The following ATG10 variants were observed in gnomAD, a reference collection of about 807,000 sequenced individuals.
ATG10 encodes the protein autophagy related 10, also known as ubiquitin-like-conjugating enzyme ATG10.
A neutral mutation model predicts 32.1 loss-of-function variants in ATG10; 30 were observed. The observed-to-expected ratio is 0.94, with a 90% confidence interval of 0.70 to 1.27. ATG10 has a LOEUF of 1.27. Among genes scored for constraint, ATG10 ranks in the 50% most tolerant of loss-of-function variants. The probability of loss-of-function intolerance (pLI) is 0.00; values close to 1 mark genes in which losing one functional copy is unlikely to be tolerated. For synonymous variants in ATG10, 87 were observed against 91.5 expected, an observed-to-expected ratio of 0.95 and a Z score of 0.28; for missense variants, 233 against 262.3, an observed-to-expected ratio of 0.89 and a Z score of 0.77.
intron 5 of ATG10, among the ~76,000 whole-genome samples, chr5:82,237,162 C>A (rs1252576586): frequency 6.6e-6 from 1 of 152,102 alleles, no homozygotes; most frequent in Non-Finnish European, 1.5e-5. Flanking sequence ...GGCAATTTTT[C>A]TTCTCCAAAC....
At chr5:82,123,810 C>T (rs1041212294) in intron 3 of ATG10, among the ~76,000 whole-genome samples, 1 of 150,310 alleles carries the variant, frequency 6.7e-6, no homozygotes, top group Non-Finnish European at 1.5e-5. Flanking sequence ...GTGGTGTAAG[C>T]CTGTTGTCTC....
intron 5 of ATG10, among the ~76,000 whole-genome samples, chr5:82,212,109 A>G (rs1745518594): frequency 6.6e-6 from 1 of 152,120 alleles, no homozygotes; most frequent in African/African-American, 2.4e-5. Flanking sequence ...GCAATATTTC[A>G]CACCTTTCCT....
intron 5 of ATG10, among the ~76,000 whole-genome samples, chr5:82,244,881 C>G (rs570196866): frequency 1.3e-5 from 2 of 152,156 alleles, no homozygotes. Flanking sequence ...TCTGGAGTTA[C>G]AGAGATAGAA....
At chr5:82,083,666 G>A (rs912039865) in intron 3 of ATG10, among the ~76,000 whole-genome samples, 6 of 152,302 alleles carry the variant, frequency 3.9e-5, no homozygotes, top group South Asian at 2.1e-4. Flanking sequence ...AACGTCTGCC[G>A]TTCTGCAATA....
rs147000150 is a variant in ATG10, at chr5:82,218,505, C to A, written c.454-34057C>A. Among the ~76,000 whole-genome samples, 906 of 152,176 alleles carry A rather than the reference C, an allele frequency of 6.0e-3. 8 individuals carry two copies. The highest frequency in any genetic ancestry group is 0.021 in the African/African-American group (855 of 41,510). On this transcript the variant is annotated intron_variant, in intron 5 of 7. Coordinates refer to ENST00000282185, the MANE Select transcript of ATG10 (RefSeq NM_031482.5). ...GCCAGGCGGGAGTGGTGGAGATAGA[C>A]CCATCATCACTGGGATATGTCATTT... is the stretch of plus-strand genomic sequence containing the variant.
At chr5:82,052,818 A>AT (rs1284845272) in intron 2 of ATG10, among the ~76,000 whole-genome samples, 3 of 152,180 alleles carry the variant, frequency 2.0e-5, no homozygotes, top group Admixed American at 2.0e-4. Flanking sequence ...GAACTCATTC[A>AT]TTATTTTTGT....
intron 5 of ATG10, among the ~76,000 whole-genome samples, chr5:82,191,922 C>T (rs1360045693): frequency 6.6e-6 from 1 of 152,172 alleles, no homozygotes; most frequent in Non-Finnish European, 1.5e-5. Flanking sequence ...TTCTCTCATG[C>T]CCTTCCTGTA....
chr5:82,075,429 A>G lies in ATG10; in HGVS notation c.216+16827A>G, dbSNP rs183204541. Among the ~76,000 whole-genome samples, 366 of 152,300 alleles carry G rather than the reference A, an allele frequency of 2.4e-3. 1 individual carries two copies. The highest frequency in any genetic ancestry group is 3.0e-3 in the Non-Finnish European group (203 of 68,020). On this transcript the variant is annotated intron_variant, in intron 3 of 7. Transcript: ENST00000282185. ...GTTTTCAATATGGTTAGATTTATTA[A>G]GAAAAATTATTTAGTTTGTATTTAG... is the stretch of plus-strand genomic sequence containing the variant.
At chr5:82,164,250 T>G in intron 3 of ATG10, 149 bp from the exon 4 acceptor site, 1 of 733,748 alleles carries the variant, frequency 1.4e-6, no homozygotes, top group Non-Finnish European at 2.2e-6. Flanking sequence ...ATGTTAAACA[T>G]TAATATGGGA....
At chr5:82,139,044 G>C (rs1766912455) in intron 3 of ATG10, among the ~76,000 whole-genome samples, 1 of 150,134 alleles carries the variant, frequency 6.7e-6, no homozygotes, top group South Asian at 2.1e-4. Flanking sequence ...GGGTTTCGCT[G>C]TGTTGGCCGG....
chr5:82,010,749 G>A (rs1020608920), intron 2 of ATG10, among the ~76,000 whole-genome samples: 2 of 152,118 alleles, frequency 1.3e-5, no homozygotes, highest in Non-Finnish European at 2.9e-5. Flanking sequence ...CTGATATAAT[G>A]AAAATATGGT....
chr5:82,079,094 G>C (rs149284965), intron 3 of ATG10, among the ~76,000 whole-genome samples: 2 of 152,110 alleles, frequency 1.3e-5, no homozygotes, highest in Non-Finnish European at 2.9e-5. Flanking sequence ...CCTCATTCTT[G>C]TAGTTTCATT....
At chr5:82,204,344 T>C (rs574199877) in intron 5 of ATG10, among the ~76,000 whole-genome samples, 1 of 152,308 alleles carries the variant, frequency 6.6e-6, no homozygotes, top group South Asian at 2.1e-4. Context: ...TCCCGTGAAG[T>C]CTTTAGAGCA....
intron 5 of ATG10, among the ~76,000 whole-genome samples, chr5:82,205,634 G>T (rs1380125210): frequency 6.6e-6 from 1 of 152,166 alleles, no homozygotes; most frequent in Non-Finnish European, 1.5e-5. Flanking sequence ...TGTGAAATTG[G>T]ACATGTGAAA....
chr5:82,071,949 C>T (rs1306749555), intron 3 of ATG10, among the ~76,000 whole-genome samples: 1 of 152,032 alleles, frequency 6.6e-6, no homozygotes, highest in Admixed American at 6.6e-5. Context: ...TTTTAAACAC[C>T]AGGAAGTGTC....
chr5:81,981,957 GCTT>G (rs1337379489), intron 1 of ATG10, among the ~76,000 whole-genome samples: 3 of 152,174 alleles, frequency 2.0e-5, no homozygotes, highest in African/African-American at 7.2e-5. Flanking sequence ...AGCAGAATAA[GCTT>G]CTTCTATCCT....
intron 3 of ATG10, among the ~76,000 whole-genome samples, chr5:82,117,411 C>T (rs1765851026): frequency 6.6e-6 from 1 of 152,100 alleles, no homozygotes; most frequent in Non-Finnish European, 1.5e-5. Context: ...ATCTGTCAAT[C>T]AACTTTGAAG....
chr5:82,215,965 T>C (rs1361941087), intron 5 of ATG10, among the ~76,000 whole-genome samples: 2 of 151,680 alleles, frequency 1.3e-5, no homozygotes, highest in Non-Finnish European at 2.9e-5. Flanking sequence ...ATTTGTTACA[T>C]TGTAATAAAT....
intron 2 of ATG10, among the ~76,000 whole-genome samples, chr5:82,032,563 T>C (rs537312818): frequency 6.6e-6 from 1 of 152,142 alleles, no homozygotes; most frequent in East Asian, 1.9e-4. Flanking sequence ...AAAATTTGCA[T>C]TCATATATTA....
Sources: gnomAD v4.1 joint callset for allele counts (sites outside exome capture counted in the v4.1 genomes callset) on GRCh38, gnomAD v4.1.1 for gene constraint, MANE v1.5 for transcripts, NCBI Gene and HGNC (gene_info 2026-07-23, HGNC 2026-07-21) for gene names.